Variants in TTN observed in about 807,000 individuals in gnomAD.
TTN encodes the protein connectin.
In TTN, 1,525 loss-of-function variants were observed where a neutral mutation model predicts 3,223.0. That is an observed-to-expected ratio of 0.47 (90% CI 0.45 to 0.49). The LOEUF is 0.49. TTN is among the 20% of genes least tolerant of loss of function. The probability of loss-of-function intolerance (pLI) is 0.00; values close to 1 mark genes in which losing one functional copy is unlikely to be tolerated. For synonymous variants in TTN, 14,094 were observed against 15,161.0 expected (o/e 0.93, Z 5.17); for missense variants, 40,786 against 43,424.0 (o/e 0.94, Z 5.40).
In TTN at chr2:178,776,442, C is replaced by T. The variant is rs2092236817; in HGVS notation, c.5422G>A (p.Glu1808Lys). Reference protein sequence around the residue: ...KSLVEESQLPEGRKGLQRIEE... With the variant: ...KSLVEESQLPKGRKGLQRIEE... ...ATTCTCTGTAAGCCTTTCCTCCCCTCAGGCAATTGGGATTCTTCCACAAGA... is the reference window on the plus strand; with the variant it reads ...ATTCTCTGTAAGCCTTTCCTCCCCTTAGGCAATTGGGATTCTTCCACAAGA... Residue 1808 changes from glutamate (E) to lysine (K), a missense_variant, in exon 28 of 363, where the codon GAG becomes AAG. Transcript: ENST00000589042. 1 of 1,609,448 alleles carries T rather than the reference C, an allele frequency of 6.2e-7. No individual in the cohort carries two copies. Among genetic ancestry groups the T allele is most frequent in the Middle Eastern group, 1.7e-4 (1 of 6,060 alleles).
At chr2:178,665,130 C>T (rs542613735) in intron 165 of TTN, among the ~76,000 whole-genome samples, 41 of 152,168 alleles carry the variant, frequency 2.7e-4, no homozygotes, top group East Asian at 1.9e-4. Context: ...AGAGCTCTCG[C>T]GACACTCTAC....
Position 178,588,678 on chromosome 2 carries a change from C to G in TTN, c.63047G>C (p.Ser21016Thr), listed in dbSNP as rs1169239147. The change falls in exon 304 of 363, where the codon AGT becomes ACT. Residue 21016 changes from serine to threonine, a missense_variant. Ser to Thr is a moderately conservative substitution (Grantham distance 58). Coordinates refer to ENST00000589042, the MANE Select transcript of TTN (RefSeq NM_001267550.2). ...HSTRWVPVNK[S>T]AIPERRMKVQ... ...TTTCATACGTCTCTCAGGGATTGCA[C>G]TCTTGTTGACAGGGACCCATCGTGT... 4 of 1,613,026 alleles carry G rather than the reference C, an allele frequency of 2.5e-6. No homozygotes were observed. The Admixed American group carries it at 6.7e-5, about 27-fold the overall frequency.
At chr2:178,667,061 A>G (rs1381830161) in intron 162 of TTN, among the ~76,000 whole-genome samples, 160 bp from the exon 163 acceptor site, 3 of 152,016 alleles carry the variant, frequency 2.0e-5, no homozygotes, top group Non-Finnish European at 4.4e-5. Flanking sequence ...TATGTGTGGG[A>G]CTTGACTTTC....
Position 178,549,046 on chromosome 2 carries a change from C to G in TTN, c.92580G>C (p.Met30860Ile). The G allele has an allele frequency of 6.2e-7, 1 of 1,613,908 alleles. No individual in the cohort carries two copies. Among genetic ancestry groups the G allele is most frequent in the Non-Finnish European group, 8.5e-7 (1 of 1,179,844 alleles). Residue 30860 changes from methionine (M) to isoleucine (I), a missense_variant, in exon 339 of 363, where the codon ATG becomes ATC. Met to Ile is a conservative substitution (Grantham distance 10). Transcript: ENST00000589042. Reference sequence around the variant, plus strand: ...GCCAGTCTCCTAAGTCGGCCTTACACATTTCAATAATATACCCAATTATTT... The same window carrying G: ...GCCAGTCTCCTAAGTCGGCCTTACAGATTTCAATAATATACCCAATTATTT... ...GMEIIGYIIE[M>I]CKADLGDWHK... is the part of the protein sequence containing the mutation.
rs773967663 is a variant in TTN at position 178,546,413 on chromosome 2, C to A, written c.94918G>T (p.Gly31640Cys). Residue 31640 changes from glycine (G) to cysteine (C), a missense_variant, in exon 342 of 363, where the codon GGT becomes TGT. By Grantham distance (159) the Gly-to-Cys change is radical (BLOSUM62 -3). Coordinates refer to ENST00000589042, the MANE Select transcript of TTN (RefSeq NM_001267550.2). ...GSDLVLDAAV[G>C]GKPEPKIIWT... ...ATAATTTTGGGTTCAGGTTTGCCAC[C>A]AACTGCAGCATCCAGAACAAGATCA... 6.2e-7 allele frequency: 1 copy of A among 1,613,736 alleles called. No homozygotes were observed. Among genetic ancestry groups the A allele is most frequent in the Non-Finnish European group, 8.5e-7 (1 of 1,179,750 alleles).
chr2:178,702,116 A>T, intron 108 of TTN, 50 bp from the exon 109 acceptor site: 1 of 1,613,370 alleles, frequency 6.2e-7, no homozygotes, highest in Non-Finnish European at 8.5e-7. Flanking sequence ...TGGTATAGGT[A>T]GGCTACGTGT....
chr2:178,684,805 A>G, intron 130 of TTN, 56 bp from the exon 131 acceptor site: 1 of 1,569,458 alleles, frequency 6.4e-7, no homozygotes, highest in Non-Finnish European at 8.7e-7. Context: ...CACTAAACAC[A>G]GGCACACTTA....
At chr2:178,743,957 C>T (rs1669048193) in intron 47 of TTN, among the ~76,000 whole-genome samples, 1 of 151,822 alleles carries the variant, frequency 6.6e-6, no homozygotes, top group Admixed American at 6.6e-5. Flanking sequence ...GTGAGGGAGG[C>T]AGGGGAGGCC....
intron 106 of TTN, 33 bp downstream of exon 106, chr2:178,704,114 G>A (rs775252258): frequency 6.2e-7 from 1 of 1,606,970 alleles, no homozygotes; most frequent in Non-Finnish European, 8.5e-7. Context: ...GACCTATGCT[G>A]TACCCACAAG....
Position 178,734,769 on chromosome 2 carries a change from T to A in TTN, c.15155A>T (p.Tyr5052Phe), listed in dbSNP as rs950432591. ...GACGTCATTCACTGCTTCACATGAGTAACTCCCACTGTCTTCAACTTTTAC... is the reference window on the plus strand; with the variant it reads ...GACGTCATTCACTGCTTCACATGAGAAACTCCCACTGTCTTCAACTTTTAC... ...TDVKVEDSGS[Y>F]SCEAVNDVGS... Residue 5052 changes from tyrosine (Y) to phenylalanine (F), a missense_variant, in exon 51 of 363, where the codon TAC becomes TTC. Tyr to Phe is a conservative substitution (Grantham distance 22). Transcript: ENST00000589042. 2 of 1,613,626 alleles carry A rather than the reference T, an allele frequency of 1.2e-6. No individual in the cohort carries two copies.
Position 178,663,717 on chromosome 2 carries a change from A to G in TTN, c.36449-7T>C. On this transcript the variant is annotated splice_polypyrimidine_tract_variant and splice_region_variant and intron_variant, in intron 170 of 362. Transcript: ENST00000589042. ...TCTTTGGGAGGCTCTGGTACTTAAAAGATATTAGCAAAATTACATTCAGAA... is the reference window on the plus strand; with the variant it reads ...TCTTTGGGAGGCTCTGGTACTTAAAGGATATTAGCAAAATTACATTCAGAA... 6.2e-7 allele frequency: 1 copy of G among 1,612,918 alleles called. No individual in the cohort carries two copies. The highest frequency in any genetic ancestry group is 8.5e-7 in the Non-Finnish European group (1 of 1,179,636).
rs370272814 is a variant in TTN at position 178,571,033 on chromosome 2, G to A, written c.75099C>T (p.Asp25033=). The A allele has an allele frequency of 4.4e-5, 71 of 1,612,174 alleles. No individual in the cohort carries two copies. Among genetic ancestry groups the A allele is most frequent in the Middle Eastern group, 1.6e-4 (1 of 6,072 alleles). ...TATAACCAGTGATCTTGCTTCCACC[G>A]TCATAGGTGGGTTTCTTCCACTGAA... ...VTLQWKKPTY[D]GGSKITGYIV... is the part of the protein sequence containing the mutation. Residue 25033 remains aspartate (D), a synonymous_variant, in exon 326 of 363, where the codon GAC becomes GAT. Transcript: ENST00000589042.
chr2:178,631,312 G>A lies in TTN; in HGVS notation c.43748-12C>T. The A allele has an allele frequency of 6.3e-7, 1 of 1,593,610 alleles. No individual in the cohort carries two copies. The highest frequency in any genetic ancestry group is 1.1e-5 in the South Asian group (1 of 88,138). The stretch of plus-strand genomic sequence containing the variant: ...ATATGGGTCTCCCTCTGCAAGTAAA[G>A]TATAAGTGAAAAGCTTTTATTAATC... On this transcript the variant is annotated splice_polypyrimidine_tract_variant and intron_variant, in intron 236 of 362. Coordinates refer to ENST00000589042, the MANE Select transcript of TTN (RefSeq NM_001267550.2).
At chr2:178,578,320 A>T (rs1248936443) in intron 321 of TTN, 135 bp from the exon 322 acceptor site, 36 of 846,522 alleles carry the variant, frequency 4.3e-5, no homozygotes, top group Non-Finnish European at 5.4e-5. Flanking sequence ...TACTTTTATT[A>T]CCCAAGCATA....
chr2:178,564,392 G>T lies in TTN; in HGVS notation c.81740C>A (p.Ala27247Glu). ...ACTAAAGTTTCCAGCTGCATTTCTT[G>T]CAATTACTCTAAATTCATATCTTTG... is the stretch of plus-strand genomic sequence containing the variant. ...EDQRYEFRVI[A>E]RNAAGNFSEP... The change falls in exon 326 of 363, where the codon GCA becomes GAA. Residue 27247 changes from alanine to glutamate, a missense_variant. Ala to Glu is a moderately radical substitution (Grantham distance 107, BLOSUM62 -1). Transcript: ENST00000589042. 1 of 1,613,554 alleles carries T rather than the reference G, an allele frequency of 6.2e-7. No individual in the cohort carries two copies. Among genetic ancestry groups the T allele is most frequent in the Non-Finnish European group, 8.5e-7 (1 of 1,179,750 alleles).
chr2:178,627,788 A>T (rs1055446917), intron 240 of TTN, among the ~76,000 whole-genome samples: 2 of 152,182 alleles, frequency 1.3e-5, no homozygotes, highest in Non-Finnish European at 2.9e-5. Flanking sequence ...TGACAAAAAG[A>T]TATTTGGTAA....
At position 178,618,830 on chromosome 2, in the gene TTN, C is replaced by A; in HGVS notation, c.46720G>T (p.Asp15574Tyr). The A allele has an allele frequency of 6.2e-7, 1 of 1,610,044 alleles. No homozygotes were observed. The highest frequency in any genetic ancestry group is 1.1e-5 in the South Asian group (1 of 90,748). Residue 15574 changes from aspartate to tyrosine, a missense_variant, in exon 251 of 363, where the codon GAC (aspartate) becomes TAC (tyrosine). By Grantham distance (160) the Asp-to-Tyr change is radical. Coordinates refer to ENST00000589042, the MANE Select transcript of TTN (RefSeq NM_001267550.2). ...LAAAPKIKTA[D>Y]QDLVVDVGKP... ...CCAACATCAACCACAAGGTCTTGGT[C>A]AGCTGTCTTGATTTTTGGTGCAGCT...
In TTN at chr2:178,618,200, C is replaced by T. The variant is rs577133803; in HGVS notation, c.47258G>A (p.Arg15753Lys). 11 of 1,612,216 alleles carry T rather than the reference C, an allele frequency of 6.8e-6. No individual in the cohort carries two copies. The highest frequency in any genetic ancestry group is 9.3e-6 in the Non-Finnish European group (11 of 1,179,068). Reference protein sequence around the residue: ...PVETDNPVEARSKYDVPGPPL... With the variant: ...PVETDNPVEAKSKYDVPGPPL... ...TTAAAACTTCTTACCATATTTACTCCTTGCTTCTACAGGATTGTCAGTTTC... is the reference window on the plus strand; with the variant it reads ...TTAAAACTTCTTACCATATTTACTCTTTGCTTCTACAGGATTGTCAGTTTC... The change falls in exon 252 of 363, where the codon AGG (arginine) becomes AAG (lysine). Residue 15753 changes from arginine to lysine, a missense_variant. Physicochemically the swap from Arg to Lys is conservative, Grantham distance 26. Coordinates refer to ENST00000589042, the MANE Select transcript of TTN (RefSeq NM_001267550.2).
intron 238 of TTN, among the ~76,000 whole-genome samples, chr2:178,630,578 G>C (rs1418040786): frequency 6.6e-6 from 1 of 152,056 alleles, no homozygotes; most frequent in African/African-American, 2.4e-5. Context: ...CCAACTAGCA[G>C]CATCACAGAG....
Sources: allele counts gnomAD v4.1 joint callset (sites outside exome capture counted in the v4.1 genomes callset), GRCh38; gene constraint gnomAD v4.1.1; transcripts MANE v1.5; gene names NCBI Gene and HGNC (gene_info 2026-07-23, HGNC 2026-07-21).